Variants in SLCO6A1 observed in about 807,000 individuals in gnomAD.
The protein encoded by SLCO6A1 is cancer/testis antigen 48.
A neutral mutation model predicts 72.7 loss-of-function variants in SLCO6A1; 65 were observed. The ratio of observed to expected loss-of-function variants is 0.89; its 90% confidence interval spans 0.73 to 1.10. The LOEUF is 1.10. Among genes scored for constraint, SLCO6A1 ranks in the 50% least tolerant of loss-of-function variants. SLCO6A1 has a pLI of 0.00. For synonymous variants in SLCO6A1, 314 were observed against 298.2 expected (o/e 1.05, Z -0.55); for missense variants, 874 against 872.6 (o/e 1.00, Z -0.02).
intron 6 of SLCO6A1, among the ~76,000 whole-genome samples, chr5:102,457,646 T>G (rs1450501827): frequency 6.6e-6 from 1 of 152,196 alleles, no homozygotes; most frequent in Non-Finnish European, 1.5e-5. Context: ...ACTTTTACAC[T>G]GCTGGTGGGA....
At chr5:102,464,161 A>G (rs952315349) in intron 4 of SLCO6A1, among the ~76,000 whole-genome samples, 1 of 152,182 alleles carries the variant, frequency 6.6e-6, no homozygotes, top group Non-Finnish European at 1.5e-5. Flanking sequence ...CAGGTAACAA[A>G]AAAAAACACC....
At chr5:102,464,938 G>A (rs919099093) in intron 4 of SLCO6A1, among the ~76,000 whole-genome samples, 1 of 152,052 alleles carries the variant, frequency 6.6e-6, no homozygotes, top group Non-Finnish European at 1.5e-5. Context: ...GTAGCAAACT[G>A]ATGATATCCA....
At chr5:102,424,021 C>A (rs558446549) in intron 7 of SLCO6A1, among the ~76,000 whole-genome samples, 1 of 152,256 alleles carries the variant, frequency 6.6e-6, no homozygotes, top group Non-Finnish European at 1.5e-5. Context: ...TACTGAATGA[C>A]TACTGGGTAA....
At chr5:102,407,835 C>T (rs535477693) in intron 9 of SLCO6A1, among the ~76,000 whole-genome samples, 3 of 152,174 alleles carry the variant, frequency 2.0e-5, no homozygotes, top group South Asian at 4.1e-4. Context: ...TGTTCAATAA[C>T]CTGAACAAAC....
At chr5:102,490,615 T>C (rs778029082) in intron 1 of SLCO6A1, among the ~76,000 whole-genome samples, 1 of 152,144 alleles carries the variant, frequency 6.6e-6, no homozygotes, top group African/African-American at 2.4e-5. Context: ...CTGGAGTTTG[T>C]TTGTTCTGAT....
At chr5:102,390,272 C>A (rs1746682261) in intron 11 of SLCO6A1, among the ~76,000 whole-genome samples, 1 of 152,160 alleles carries the variant, frequency 6.6e-6, no homozygotes, top group Admixed American at 6.5e-5. Flanking sequence ...CATTACAAAT[C>A]TCTTACCTAG....
intron 7 of SLCO6A1, among the ~76,000 whole-genome samples, chr5:102,422,719 G>A (rs1434474671): frequency 6.6e-6 from 1 of 152,126 alleles, no homozygotes; most frequent in Non-Finnish European, 1.5e-5. Context: ...TTATCCAGGA[G>A]AACTTCCCCA....
intron 5 of SLCO6A1, among the ~76,000 whole-genome samples, chr5:102,458,830 C>T (rs879309854): frequency 7.9e-5 from 12 of 152,052 alleles, no homozygotes; most frequent in East Asian, 3.9e-4. Flanking sequence ...TTGATTTGCC[C>T]TAAAATATGA....
intron 12 of SLCO6A1, among the ~76,000 whole-genome samples, chr5:102,375,697 A>G (rs1745745205): frequency 6.6e-6 from 1 of 152,098 alleles, no homozygotes; most frequent in Admixed American, 6.6e-5. Context: ...GAAATGAGAA[A>G]TTTTCAGTAT....
At position 102,498,865 on chromosome 5, in the gene SLCO6A1, T is replaced by G; in HGVS notation, c.-21A>C. ...AACATGGCTCACCCTGGGCGGCTCC[T>G]GGCGACGCGGCCCGAGTGCTCTCGG... On this transcript the variant is annotated 5_prime_UTR_variant, in exon 1 of 14. Coordinates refer to ENST00000506729, the MANE Select transcript of SLCO6A1 (RefSeq NM_173488.5). 1 of 1,584,056 alleles carries G rather than the reference T, an allele frequency of 6.3e-7. No homozygotes were observed. The highest frequency in any genetic ancestry group is 8.6e-7 in the Non-Finnish European group (1 of 1,166,784).
At chr5:102,410,281 C>G (rs1196829876) in intron 9 of SLCO6A1, among the ~76,000 whole-genome samples, 1 of 152,002 alleles carries the variant, frequency 6.6e-6, no homozygotes, top group African/African-American at 2.4e-5. Flanking sequence ...CAGCTCTAAG[C>G]AGAGAGGGTA....
At chr5:102,393,828 C>G (rs951008640) in intron 10 of SLCO6A1, among the ~76,000 whole-genome samples, 1 of 152,126 alleles carries the variant, frequency 6.6e-6, no homozygotes, top group African/African-American at 2.4e-5. Flanking sequence ...TGTTGAAGAA[C>G]TAGTTTTCTA....
At chr5:102,469,383 T>G (rs1751483030) in intron 4 of SLCO6A1, among the ~76,000 whole-genome samples, 2 of 152,168 alleles carry the variant, frequency 1.3e-5, no homozygotes, top group African/African-American at 4.8e-5. Flanking sequence ...TTCACATCCC[T>G]TGTAAGTTGG....
At chr5:102,431,305 A>G (rs1749205071) in intron 7 of SLCO6A1, among the ~76,000 whole-genome samples, 1 of 151,962 alleles carries the variant, frequency 6.6e-6, no homozygotes, top group African/African-American at 2.4e-5. Context: ...TAGCTTTAGA[A>G]TTGGTTTGCT....
chr5:102,466,175 C>T (rs1751299745), intron 4 of SLCO6A1, among the ~76,000 whole-genome samples: 1 of 151,916 alleles, frequency 6.6e-6, no homozygotes, highest in Admixed American at 6.6e-5. Flanking sequence ...CCTTTTCCTC[C>T]CCCCACCCTC....
At chr5:102,471,444 T>C (rs1387025151) in intron 4 of SLCO6A1, among the ~76,000 whole-genome samples, 2 of 152,106 alleles carry the variant, frequency 1.3e-5, no homozygotes, top group African/African-American at 2.4e-5. Flanking sequence ...AGTGAAGCCA[T>C]AATGTAGTGA....
At chr5:102,421,980 G>C (rs1252257802) in intron 7 of SLCO6A1, among the ~76,000 whole-genome samples, 1 of 152,194 alleles carries the variant, frequency 6.6e-6, no homozygotes, top group African/African-American at 2.4e-5. Flanking sequence ...CAGGCAAACA[G>C]GGTCTGGAGT....
intron 7 of SLCO6A1, among the ~76,000 whole-genome samples, chr5:102,431,724 G>C (rs1459717023): frequency 4.6e-5 from 7 of 152,126 alleles, no homozygotes; most frequent in Non-Finnish European, 8.8e-5. Context: ...TTTTGGTGAA[G>C]AGGTCTGTTG....
chr5:102,487,976 G>A (rs1447410331), intron 1 of SLCO6A1, among the ~76,000 whole-genome samples: 4 of 152,146 alleles, frequency 2.6e-5, no homozygotes, highest in Non-Finnish European at 5.9e-5. Flanking sequence ...ATCCCAGCTT[G>A]TTTAAATAAA....
Sources: allele counts gnomAD v4.1 joint callset (sites outside exome capture counted in the v4.1 genomes callset), GRCh38; gene constraint gnomAD v4.1.1; transcripts MANE v1.5; gene names NCBI Gene and HGNC (gene_info 2026-07-23, HGNC 2026-07-21).